CELF6: variants seen among roughly 807,000 people sequenced by gnomAD.
The protein encoded by CELF6 is Bruno -like 6, RNA binding protein.
A neutral mutation model predicts 53.1 loss-of-function variants in CELF6; 32 were observed. The ratio of observed to expected loss-of-function variants is 0.60; its 90% CI spans 0.46 to 0.81. The LOEUF (loss-of-function observed/expected upper bound fraction) is 0.81, where lower values mean the gene tolerates loss of function less well. CELF6 is among the 30% of genes least tolerant of loss of function. The pLI is 0.00. For synonymous variants in CELF6, 291 were observed against 288.8 expected (o/e 1.01, Z -0.08); for missense variants, 539 against 669.5 (o/e 0.81, Z 2.15).
rs544676808 is a variant in CELF6, at chr15:72,319,854, C to T, written c.21G>A (p.Gly7=). 8,470 of 1,524,630 alleles carry T rather than the reference C, an allele frequency of 5.6e-3. 28 individuals are homozygous for T. Among genetic ancestry groups the T allele is most frequent in the Non-Finnish European group, 6.4e-3 (7,284 of 1,134,900 alleles). 94.4% of individuals were successfully genotyped at this position (1,524,630 alleles called of 1,614,324 possible). The part of the protein sequence containing the change: MAAAPG[G]SAQPAGPGPR... The stretch of plus-strand genomic sequence containing the variant: ...GGCCGGGGCCAGCGGGCTGCGCTGA[C>T]CCTCCCGGCGCCGCGGCCATGTCCC... Residue 7 remains glycine (G), a synonymous_variant, in exon 1 of 13, where the codon GGG becomes GGA. Transcript: ENST00000287202. The surrounding 1 kb of genome is among the most constrained non-coding windows in gnomAD (Gnocchi z 5.0).
chr15:72,298,509 C>T (rs2088107303), intron 3 of CELF6, among the ~76,000 whole-genome samples: 1 of 151,920 alleles, frequency 6.6e-6, no homozygotes, highest in Admixed American at 6.6e-5. Flanking sequence ...GGAAAGAGTG[C>T]ATGGATTGAT....
chr15:72,308,196 G>T (rs144124858), intron 2 of CELF6, among the ~76,000 whole-genome samples: 6 of 152,008 alleles, frequency 3.9e-5, no homozygotes, highest in Non-Finnish European at 7.4e-5. Flanking sequence ...GATCTTAGTA[G>T]ATACCTCAGA....
At chr15:72,307,200 T>C (rs903287624) in intron 2 of CELF6, among the ~76,000 whole-genome samples, 1 of 152,142 alleles carries the variant, frequency 6.6e-6, no homozygotes, top group African/African-American at 2.4e-5. Context: ...CCTCCCTGGC[T>C]GGGTTTCCTG....
At position 72,289,062 on chromosome 15, in the gene CELF6, G is replaced by A. The variant is rs2087962461; in HGVS notation, c.1030+76C>T. On this transcript the variant is annotated intron_variant, in intron 8 of 12. Transcript: ENST00000287202. The surrounding 1 kb of genome is among the most constrained non-coding windows in gnomAD (Gnocchi z 7.6). ...GGGAAGGAGGGGGATCTCTTCCCAG[G>A]GAAGCCAGGCCCTAACCCCCCACCC... 4 of 1,320,258 alleles carry A rather than the reference G, an allele frequency of 3.0e-6. No homozygotes were observed. Among genetic ancestry groups the A allele is most frequent in the Middle Eastern group, 2.1e-4 (1 of 4,718 alleles). 81.8% of individuals were successfully genotyped at this position (1,320,258 alleles called of 1,614,324 possible). A position where few individuals can be genotyped will look rare whatever the true frequency, so the allele number is the denominator to read the frequency against.
At position 72,289,685 on chromosome 15, in the gene CELF6, A is replaced by G; in HGVS notation, c.689T>C (p.Leu230Pro). The change falls in exon 6 of 13, where the codon CTG becomes CCG. Residue 230 changes from leucine to proline, a missense_variant. Physicochemically the swap from Leu to Pro is moderately conservative, Grantham distance 98. Coordinates refer to ENST00000287202, the MANE Select transcript of CELF6 (RefSeq NM_052840.5). This position sits in a 1 kb window ranked among gnomAD's most constrained non-coding sequence, Gnocchi z 7.6. ...LRRMQQMAGH[L>P]GAFHPAPLPL... Reference sequence around the variant, plus strand: ...CAGTGGCGCGGGGTGGAAGGCGCCCAGGTGGCCGGCCATCTGCTGCATCCG... The same window carrying G: ...CAGTGGCGCGGGGTGGAAGGCGCCCGGGTGGCCGGCCATCTGCTGCATCCG... The G allele has an allele frequency of 6.7e-7, 1 of 1,490,574 alleles. No homozygotes were observed. Among genetic ancestry groups the G allele is most frequent in the Non-Finnish European group, 8.8e-7 (1 of 1,130,032 alleles). The allele number at this position is 1,490,574 out of a possible 1,614,324, so 92.3% of individuals were successfully genotyped here. A position where few individuals can be genotyped will look rare whatever the true frequency, so the allele number is the denominator to read the frequency against.
chr15:72,315,144 A>G (rs1408403707), intron 2 of CELF6, among the ~76,000 whole-genome samples: 5 of 152,222 alleles, frequency 3.3e-5, no homozygotes, highest in Non-Finnish European at 7.3e-5. Flanking sequence ...TTCTAGACAC[A>G]CCGCTTCTTG....
intron 2 of CELF6, among the ~76,000 whole-genome samples, chr15:72,312,630 A>G (rs1303028011): frequency 6.6e-6 from 1 of 152,214 alleles, no homozygotes; most frequent in African/African-American, 2.4e-5. Context: ...CTGTGTCTCA[A>G]AAAAACACAA....
chr15:72,303,171 G>A (rs2088180078), intron 3 of CELF6, among the ~76,000 whole-genome samples: 1 of 152,214 alleles, frequency 6.6e-6, no homozygotes, highest in African/African-American at 2.4e-5. Flanking sequence ...TTGTGGGCAG[G>A]GCTTAGTAGT....
At chr15:72,306,050 G>T (rs2141200826) in intron 2 of CELF6, 2 of 983,242 alleles carry the variant, frequency 2.0e-6, no homozygotes, top group African/African-American at 3.5e-5. Context: ...TGCATAATTT[G>T]AAAACGCTCC....
At chr15:72,301,496 G>C (rs1040785622) in intron 3 of CELF6, among the ~76,000 whole-genome samples, 2 of 151,954 alleles carry the variant, frequency 1.3e-5, no homozygotes, top group Non-Finnish European at 2.9e-5. Flanking sequence ...TACTCTTATC[G>C]GATAAAGAAA....
At chr15:72,315,822 A>T in intron 2 of CELF6, 23 bp downstream of exon 2, 1 of 1,542,646 alleles carries the variant, frequency 6.5e-7, no homozygotes, top group Non-Finnish European at 8.8e-7. Context: ...GGTGATTCCC[A>T]CCCCCCAACC....
chr15:72,312,046 AG>A (rs1485413221), intron 2 of CELF6, among the ~76,000 whole-genome samples: 7 of 152,326 alleles, frequency 4.6e-5, no homozygotes, highest in Non-Finnish European at 7.4e-5. Context: ...AAGGGAAGTC[AG>A]GAACAGGGAG....
rs1413360503 is a variant in CELF6, at chr15:72,315,765, C to T, written c.345+80G>A. ...TCTAGTTCTCGGTCCCAACCCAGCC[C>T]CCACATGCTGCTTTGGCATGCACAC... is the stretch of plus-strand genomic sequence containing the variant. On this transcript the variant is annotated intron_variant, in intron 2 of 12. Coordinates refer to ENST00000287202, the MANE Select transcript of CELF6 (RefSeq NM_052840.5). 5 of 952,180 alleles carry T rather than the reference C, an allele frequency of 5.3e-6. No homozygotes were observed. In the East Asian group the frequency reaches 8.5e-5, roughly 16 times the overall value. 59.0% of individuals were successfully genotyped at this position (952,180 alleles called of 1,614,324 possible).
In CELF6 at chr15:72,289,669, G is replaced by A. The variant is rs895930182; in HGVS notation, c.705C>T (p.Pro235=). 6.1e-5 allele frequency: 91 copies of A among 1,498,426 alleles called. No homozygotes were observed. Among genetic ancestry groups the A allele is most frequent in the Non-Finnish European group, 7.9e-5 (89 of 1,133,052 alleles). The allele number at this position is 1,498,426 out of a possible 1,614,324, so 92.8% of individuals were successfully genotyped here. ...CGCAGGCCCCTAGCGGCAGTGGCGC[G>A]GGGTGGAAGGCGCCCAGGTGGCCGG... is the stretch of plus-strand genomic sequence containing the variant. ...QMAGHLGAFH[P]APLPLGACGA... Residue 235 remains proline, a synonymous_variant, in exon 6 of 13, where the codon CCC becomes CCT. Transcript: ENST00000287202. This position sits in a 1 kb window ranked among gnomAD's most constrained non-coding sequence, Gnocchi z 7.6.
Position 72,319,943 on chromosome 15 carries a change from CGGTGG to C in CELF6, c.-74_-70del. 1 of 1,359,988 alleles carries C rather than the reference CGGTGG, an allele frequency of 7.4e-7. No homozygotes were observed. Among genetic ancestry groups the C allele is most frequent in the South Asian group, 1.7e-5 (1 of 60,052 alleles). The allele number at this position is 1,359,988 out of a possible 1,614,324, so 84.2% of individuals were successfully genotyped here. Reference sequence around the variant, plus strand: ...CTGTCCCGCCGTCCCCTCCCTGGACCGGTGGCGAGGGCCAGGGGGAGGGGGCGGAG... The same window carrying C: ...CTGTCCCGCCGTCCCCTCCCTGGACCCGAGGGCCAGGGGGAGGGGGCGGAG... On this transcript the variant is annotated 5_prime_UTR_variant, in exon 1 of 13. Coordinates refer to ENST00000287202, the MANE Select transcript of CELF6 (RefSeq NM_052840.5). This position sits in a 1 kb window ranked among gnomAD's most constrained non-coding sequence, Gnocchi z 5.0.
intron 11 of CELF6, among the ~76,000 whole-genome samples, chr15:72,287,611 G>A (rs2087939563): frequency 6.6e-6 from 1 of 152,136 alleles, no homozygotes. Flanking sequence ...GTGTGTGCAG[G>A]GTCAGTGTGT....
chr15:72,306,237 T>C (rs1420745119), intron 2 of CELF6: 6 of 984,748 alleles, frequency 6.1e-6, no homozygotes, highest in Non-Finnish European at 6.0e-6. Context: ...AGGTGAGGAA[T>C]TATTGTTGGG....
At chr15:72,318,318 C>T (rs936732212) in intron 1 of CELF6, among the ~76,000 whole-genome samples, 6 of 152,104 alleles carry the variant, frequency 3.9e-5, no homozygotes, top group East Asian at 3.9e-4. Flanking sequence ...AGGAACCCTA[C>T]GAGGCCTCCA....
rs1172257101 is a variant in CELF6, at chr15:72,284,980, G to T, written c.*1391C>A. 6.5e-6 allele frequency: 1 copy of T among 152,698 alleles called. No homozygotes were observed. The highest frequency in any genetic ancestry group is 1.5e-5 in the Non-Finnish European group (1 of 68,106). 9.5% of individuals were successfully genotyped at this position (152,698 alleles called of 1,614,324 possible). On this transcript the variant is annotated 3_prime_UTR_variant, in exon 13 of 13. Coordinates refer to ENST00000287202, the MANE Select transcript of CELF6 (RefSeq NM_052840.5). ...CCCAGGAAAGGCTGACCAAGGCAAG[G>T]TGAGTCATGGTGTTCTAAGCTGAAT...
Sources: allele counts gnomAD v4.1 joint callset (sites outside exome capture counted in the v4.1 genomes callset), GRCh38; gene constraint gnomAD v4.1.1; non-coding constraint Gnocchi (gnomAD v3.1); transcripts MANE v1.5; gene names NCBI Gene and HGNC (gene_info 2026-07-23, HGNC 2026-07-21).